The following TMEM132B variants were observed in gnomAD, a reference collection of about 807,000 sequenced individuals.
TMEM132B encodes the protein transmembrane protein 132B.
A neutral mutation model predicts 90.8 loss-of-function variants in TMEM132B; 18 were observed. The ratio of observed to expected loss-of-function variants is 0.20; its 90% CI spans 0.14 to 0.29. The LOEUF (loss-of-function observed/expected upper bound fraction) is 0.29, where lower values mean the gene tolerates loss of function less well. Ranked by LOEUF, TMEM132B falls within the 10% of genes least tolerant of loss-of-function variation. The pLI, the probability that TMEM132B is intolerant of heterozygous loss-of-function variation, is 1.00. For synonymous variants in TMEM132B, 504 were observed against 523.3 expected, an observed-to-expected ratio of 0.96 and a Z score of 0.50; for missense variants, 1,096 against 1,326.8, an observed-to-expected ratio of 0.83 and a Z score of 2.70.
intron 1 of TMEM132B, among the ~76,000 whole-genome samples, chr12:125,215,104 C>G (rs1873404595): frequency 6.6e-6 from 1 of 152,228 alleles, no homozygotes; most frequent in South Asian, 2.1e-4. Context: ...TGCCACTCCC[C>G]TGATGCTCCT....
rs1472258022 is a variant in TMEM132B at position 125,521,297 on chromosome 12, TCTC to T, written c.1293+1678_1293+1680del. On this transcript the variant is annotated intron_variant, in intron 4 of 8. Coordinates refer to ENST00000682704, the MANE Select transcript of TMEM132B (RefSeq NM_001366854.1). ...TCTCCTTCTTTCTCCTTCTCCTTCT[TCTC>T]CTCCTTCCTCTTCCCCTTCCCCTTC... Among the ~76,000 whole-genome samples the T allele has an allele frequency of 2.0e-5, 3 of 152,186 alleles. No homozygotes were observed. The East Asian group carries it at 5.8e-4, about 29-fold the overall frequency.
At chr12:125,472,820 C>T (rs891368312) in intron 3 of TMEM132B, among the ~76,000 whole-genome samples, 8 of 152,144 alleles carry the variant, frequency 5.3e-5, no homozygotes, top group Non-Finnish European at 1.5e-5. Flanking sequence ...TTCCCAGCCT[C>T]CAGAACTATG....
chr12:125,262,436 G>T (rs1381289173), intron 1 of TMEM132B, among the ~76,000 whole-genome samples: 1 of 152,062 alleles, frequency 6.6e-6, no homozygotes, highest in Non-Finnish European at 1.5e-5. Context: ...TGTATTTTTG[G>T]TCTGTCTTGA....
At chr12:125,392,378 A>AAT (rs1180562960) in intron 2 of TMEM132B, among the ~76,000 whole-genome samples, 1 of 152,186 alleles carries the variant, frequency 6.6e-6, no homozygotes, top group Non-Finnish European at 1.5e-5. Context: ...GTGTCATGGA[A>AAT]ATACATTCAC....
intron 5 of TMEM132B, among the ~76,000 whole-genome samples, chr12:125,641,558 A>T (rs1886631425): frequency 6.6e-6 from 1 of 152,220 alleles, no homozygotes; most frequent in Non-Finnish European, 1.5e-5. Flanking sequence ...AAAACTCAAA[A>T]GATAGTCAAC....
intron 3 of TMEM132B, among the ~76,000 whole-genome samples, chr12:125,513,961 TG>T (rs1883044278): frequency 6.6e-6 from 1 of 152,182 alleles, no homozygotes; most frequent in Admixed American, 6.5e-5. Flanking sequence ...TGAATCTCAG[TG>T]CCCAGCACAC....
At chr12:125,316,200 G>A (rs1473799967) in intron 1 of TMEM132B, among the ~76,000 whole-genome samples, 1 of 152,202 alleles carries the variant, frequency 6.6e-6, no homozygotes, top group Non-Finnish European at 1.5e-5. Context: ...AGTCCATCCT[G>A]GATTCCAGGG....
At chr12:125,272,062 G>C (rs58918323) in intron 1 of TMEM132B, among the ~76,000 whole-genome samples, 2,458 of 152,274 alleles carry the variant, frequency 0.016, 63 homozygotes, top group African/African-American at 0.056. Context: ...GCTGTCTCCC[G>C]TCTAACAAGG....
intron 3 of TMEM132B, among the ~76,000 whole-genome samples, chr12:125,467,000 G>A (rs1048642180): frequency 1.3e-5 from 2 of 152,200 alleles, no homozygotes; most frequent in African/African-American, 2.4e-5. Context: ...AAGACATCTC[G>A]GGACTGTCCC....
intron 1 of TMEM132B, among the ~76,000 whole-genome samples, chr12:125,212,633 G>C (rs186379012): frequency 6.8e-4 from 104 of 152,248 alleles, no homozygotes; most frequent in African/African-American, 2.4e-3. Flanking sequence ...GGTGGAGGTT[G>C]CAGTGAGCCG....
At chr12:125,243,781 C>A (rs1342394590) in intron 1 of TMEM132B, among the ~76,000 whole-genome samples, 1 of 152,162 alleles carries the variant, frequency 6.6e-6, no homozygotes, top group African/African-American at 2.4e-5. Flanking sequence ...CCGTTTAGCT[C>A]CCACTTGTAA....
At chr12:125,362,762 CTT>C (rs1287948291) in intron 2 of TMEM132B, among the ~76,000 whole-genome samples, 1 of 152,170 alleles carries the variant, frequency 6.6e-6, no homozygotes, top group African/African-American at 2.4e-5. Context: ...CTTTTTAAAA[CTT>C]AACTTTAAAA....
chr12:125,377,919 G>A (rs1264259077), intron 2 of TMEM132B, among the ~76,000 whole-genome samples: 1 of 152,210 alleles, frequency 6.6e-6, no homozygotes. Context: ...TTCTTTTGGG[G>A]ATACAGCGCA....
intron 2 of TMEM132B, among the ~76,000 whole-genome samples, chr12:125,389,663 G>A (rs770467239): frequency 6.6e-6 from 1 of 152,130 alleles, no homozygotes; most frequent in Non-Finnish European, 1.5e-5. Context: ...GTAAATATTA[G>A]TGGCCATTTT....
intron 1 of TMEM132B, among the ~76,000 whole-genome samples, chr12:125,212,754 G>A (rs1184324337): frequency 1.3e-5 from 2 of 152,130 alleles, no homozygotes; most frequent in Admixed American, 1.3e-4. Context: ...AAAGTGTTGG[G>A]ATTATAGGTG....
intron 6 of TMEM132B, among the ~76,000 whole-genome samples, chr12:125,644,967 C>T (rs1227600783): frequency 3.9e-5 from 6 of 152,068 alleles, no homozygotes; most frequent in African/African-American, 1.4e-4. Context: ...CCTGTAATCC[C>T]AGCACTTTGG....
chr12:125,467,569 T>A (rs1881599862), intron 3 of TMEM132B, among the ~76,000 whole-genome samples: 1 of 152,230 alleles, frequency 6.6e-6, no homozygotes, highest in African/African-American at 2.4e-5. Context: ...TACACATCAG[T>A]GAAGAAATGC....
At chr12:125,441,407 C>A (rs564513991) in intron 3 of TMEM132B, among the ~76,000 whole-genome samples, 1 of 152,246 alleles carries the variant, frequency 6.6e-6, no homozygotes, top group East Asian at 1.9e-4. Flanking sequence ...TATAAATAAA[C>A]CTTAGTACCT....
intron 2 of TMEM132B, among the ~76,000 whole-genome samples, chr12:125,366,125 G>T (rs1316289284): frequency 6.6e-6 from 1 of 151,706 alleles, no homozygotes; most frequent in African/African-American, 2.4e-5. Flanking sequence ...TGTGATATTT[G>T]TCTTTCTGTG....
Sources: allele counts gnomAD v4.1 joint callset (sites outside exome capture counted in the v4.1 genomes callset), GRCh38; gene constraint gnomAD v4.1.1; transcripts MANE v1.5; gene names NCBI Gene and HGNC (gene_info 2026-07-23, HGNC 2026-07-21).